The following ESYT3 variants were observed in gnomAD, a reference collection of about 807,000 sequenced individuals.
ESYT3 encodes extended synaptotagmin-3.
A neutral mutation model predicts 111.5 loss-of-function variants in ESYT3; 101 were observed. That is an observed-to-expected ratio of 0.91 (90% CI 0.77 to 1.07). The LOEUF is 1.07. ESYT3 is among the 50% of genes least tolerant of loss of function. The pLI is 0.00. For missense variants in ESYT3, 1,097 were observed against 1,109.4 expected, an observed-to-expected ratio of 0.99 and a Z score of 0.16; for synonymous variants, 416 against 446.8, an observed-to-expected ratio of 0.93 and a Z score of 0.87.
chr3:138,469,550 C>T, intron 15 of ESYT3, 46 bp downstream of exon 15: 3 of 1,540,244 alleles, frequency 1.9e-6, no homozygotes, highest in African/African-American at 2.7e-5. Flanking sequence ...AACAAGGACC[C>T]AGCCCTTCTC....
intron 1 of ESYT3, among the ~76,000 whole-genome samples, chr3:138,447,855 T>C (rs2031645389): frequency 6.6e-6 from 1 of 151,694 alleles, no homozygotes; most frequent in South Asian, 2.1e-4. Flanking sequence ...TTAAAAAATA[T>C]AACAATTGAA....
rs1166545910 is a variant in ESYT3 at position 138,476,821 on chromosome 3, T to G, written c.2628T>G (p.Tyr876Ter). The G allele has an allele frequency of 1.2e-6, 2 of 1,614,090 alleles. No homozygotes were observed. The highest frequency in any genetic ancestry group is 1.7e-5 in the Admixed American group (1 of 60,024). The change falls in exon 23 of 23, where the codon TAT becomes TAG. Residue 876 changes from tyrosine to a stop codon, truncating the protein, a stop_gained. Coordinates refer to ENST00000389567, the MANE Select transcript of ESYT3 (RefSeq NM_031913.5). LOFTEE classifies it high-confidence loss of function. Reference sequence around the variant, plus strand: ...TCCAAACGTAACTGTCTTACAGGTATGAGCTGACTCCAAATGGACAGCCCA... The same window carrying G: ...TCCAAACGTAACTGTCTTACAGGTAGGAGCTGACTCCAAATGGACAGCCCA... ...EDLIKGFSQWYELTPNGQPRS is the reference protein window; with the variant it reads ...EDLIKGFSQW
At chr3:138,460,161 C>T in intron 6 of ESYT3, 127 bp downstream of exon 6, 2 of 741,078 alleles carry the variant, frequency 2.7e-6, no homozygotes, top group Non-Finnish European at 4.5e-6. Flanking sequence ...TGGGCAGTCA[C>T]ACTCCTTATC....
intron 1 of ESYT3, among the ~76,000 whole-genome samples, chr3:138,448,156 A>G (rs1338009039): frequency 6.6e-6 from 1 of 150,974 alleles, no homozygotes; most frequent in Non-Finnish European, 1.5e-5. Flanking sequence ...AATCCCAGCT[A>G]CTCGGGAGGC....
chr3:138,466,552 G>A (rs952113756), intron 10 of ESYT3, among the ~76,000 whole-genome samples: 2 of 152,112 alleles, frequency 1.3e-5, no homozygotes, highest in African/African-American at 4.8e-5. Flanking sequence ...CTGATTTCAG[G>A]TGTGTTTTGA....
At chr3:138,449,862 ATATT>A (rs1264780445) in intron 1 of ESYT3, among the ~76,000 whole-genome samples, 1 of 152,176 alleles carries the variant, frequency 6.6e-6, no homozygotes, top group Non-Finnish European at 1.5e-5. Context: ...CATTCCACAA[ATATT>A]TATTAAGACC....
At chr3:138,439,966 T>G (rs185974450) in intron 1 of ESYT3, among the ~76,000 whole-genome samples, 3 of 152,272 alleles carry the variant, frequency 2.0e-5, no homozygotes, top group Non-Finnish European at 4.4e-5. Context: ...GTGGAAGTCA[T>G]TGGAGTCATT....
In ESYT3 at chr3:138,469,479, T is replaced by C. The variant is rs1170339262; in HGVS notation, c.1478T>C (p.Val493Ala). 5 of 1,613,988 alleles carry C rather than the reference T, an allele frequency of 3.1e-6. No individual in the cohort carries two copies. In the East Asian group the frequency reaches 1.1e-4, roughly 36 times the overall value. ...KDPSSYVKLSVGKKTHTSKTC... is the reference protein window; with the variant it reads ...KDPSSYVKLSAGKKTHTSKTC... ...CCTTCTTCCTATGTCAAACTATCTG[T>C]AGGCAAGAAGACACATACAAGTAAG... is the stretch of plus-strand genomic sequence containing the variant. Residue 493 changes from valine (V) to alanine (A), a missense_variant, in exon 15 of 23, where the codon GTA (valine) becomes GCA (alanine). Val to Ala is a moderately conservative substitution (Grantham distance 64). Transcript: ENST00000389567.
chr3:138,447,417 T>C (rs1015378843), intron 1 of ESYT3, among the ~76,000 whole-genome samples: 1 of 152,214 alleles, frequency 6.6e-6, no homozygotes, highest in African/African-American at 2.4e-5. Flanking sequence ...AAAACATTAC[T>C]ATTTTGAAAA....
intron 11 of ESYT3, 102 bp downstream of exon 11, chr3:138,467,711 C>A (rs2033002212): frequency 1.8e-6 from 2 of 1,097,056 alleles, no homozygotes; most frequent in Non-Finnish European, 2.7e-6. Flanking sequence ...ATGCTGTGGT[C>A]CCCCTCTGTG....
intron 8 of ESYT3, among the ~76,000 whole-genome samples, chr3:138,463,667 T>C (rs1250265731): frequency 2.0e-5 from 3 of 152,174 alleles, no homozygotes; most frequent in Non-Finnish European, 4.4e-5. Flanking sequence ...GATTTCTGGG[T>C]CAAAGAGTAA....
At chr3:138,476,387 ATTTC>A in intron 21 of ESYT3, 52 bp from the exon 22 acceptor site, 1 of 1,605,416 alleles carries the variant, frequency 6.2e-7, no homozygotes, top group Non-Finnish European at 8.5e-7. Context: ...CCTTATCCCA[ATTTC>A]TTTCCTTAAT....
intron 1 of ESYT3, among the ~76,000 whole-genome samples, chr3:138,446,280 G>A (rs555787775): frequency 1.3e-5 from 2 of 152,330 alleles, no homozygotes; most frequent in South Asian, 2.1e-4. Context: ...AGTAGTGGAC[G>A]AAGTGGAAAA....
At chr3:138,438,735 G>T (rs909290110) in intron 1 of ESYT3, among the ~76,000 whole-genome samples, 3 of 152,234 alleles carry the variant, frequency 2.0e-5, no homozygotes, top group African/African-American at 7.2e-5. Context: ...CCTGATGTCT[G>T]ATTTCTAGTC....
downstream of ESYT3, chr3:138,481,297 T>G (rs1051382492): frequency 6.6e-6 from 1 of 152,094 alleles, no homozygotes; most frequent in African/African-American, 2.4e-5. Flanking sequence ...CCCAACTACT[T>G]GGAAGGCCGA....
In ESYT3 at chr3:138,474,291, T is replaced by C; in HGVS notation, c.2407T>C (p.Trp803Arg). Residue 803 changes from tryptophan (W) to arginine (R), a missense_variant, in exon 20 of 23, where the codon TGG (tryptophan) becomes CGG (arginine). By Grantham distance (101) the Trp-to-Arg change is moderately radical. Transcript: ENST00000389567. ...VRVYLLPERK[W>R]ACRKKTSVKR... The stretch of plus-strand genomic sequence containing the variant: ...TGTCTACTTGTTGCCAGAAAGGAAG[T>C]GGGCATGTCGTAAGAAGACTTCAGT... 1.2e-6 allele frequency: 2 copies of C among 1,611,338 alleles called. No homozygotes were observed. The highest frequency in any genetic ancestry group is 1.7e-6 in the Non-Finnish European group (2 of 1,179,408).
intron 11 of ESYT3, among the ~76,000 whole-genome samples, 161 bp from the exon 12 acceptor site, chr3:138,467,944 A>G (rs1419027259): frequency 6.6e-6 from 1 of 152,032 alleles, no homozygotes; most frequent in Non-Finnish European, 1.5e-5. Flanking sequence ...AGTCCCTCTG[A>G]GCCCAGAGCA....
At chr3:138,449,082 C>CTT (rs398040196) in intron 1 of ESYT3, among the ~76,000 whole-genome samples, 5,880 of 113,118 alleles carry the variant, frequency 0.052, 573 homozygotes, top group African/African-American at 0.17. Context: ...CTTTCTTTTT[C>CTT]TTTTTTTTTT....
intron 2 of ESYT3, among the ~76,000 whole-genome samples, chr3:138,454,500 T>C (rs991829448): frequency 1.3e-5 from 2 of 152,102 alleles, no homozygotes; most frequent in African/African-American, 4.8e-5. Context: ...GAGGTTGCAG[T>C]GAGCCGAGGT....
Sources: allele counts gnomAD v4.1 joint callset (sites outside exome capture counted in the v4.1 genomes callset), GRCh38; gene constraint gnomAD v4.1.1; transcripts MANE v1.5; gene names NCBI Gene and HGNC (gene_info 2026-07-23, HGNC 2026-07-21).